RSBN1L: variants seen among roughly 807,000 people sequenced by gnomAD.
The protein encoded by RSBN1L is round spermatid basic protein 1 like, also known as lysine-specific demethylase RSBN1L.
RSBN1L carries 30 observed loss-of-function variants against 67.7 expected under a neutral mutation model. The observed-to-expected ratio is 0.44, with a 90% CI of 0.33 to 0.60. The LOEUF (loss-of-function observed/expected upper bound fraction) is 0.60, where lower values mean the gene tolerates loss of function less well. RSBN1L is among the 20% of genes least tolerant of loss of function. The pLI is 0.02. For synonymous variants in RSBN1L, 433 were observed against 387.0 expected, an observed-to-expected ratio of 1.12 and a Z score of -1.39; for missense variants, 992 against 1,031.7, an observed-to-expected ratio of 0.96 and a Z score of 0.53.
At chr7:77,745,701 A>T (rs1202380938) in intron 2 of RSBN1L, among the ~76,000 whole-genome samples, 1 of 152,196 alleles carries the variant, frequency 6.6e-6, no homozygotes, top group Non-Finnish European at 1.5e-5. Context: ...TGGTTTCGGG[A>T]TGATTCAAGG....
intron 6 of RSBN1L, among the ~76,000 whole-genome samples, chr7:77,775,539 T>C (rs182441606): frequency 1.6e-3 from 240 of 152,334 alleles, no homozygotes; most frequent in Middle Eastern, 0.01. Context: ...AGGATATCTC[T>C]AATTCCTGTT....
intron 2 of RSBN1L, among the ~76,000 whole-genome samples, chr7:77,739,952 A>T (rs1030701247): frequency 6.6e-6 from 1 of 150,786 alleles, no homozygotes; most frequent in South Asian, 2.1e-4. Context: ...GGGTTTCACC[A>T]TGTTGCCCAG....
intron 3 of RSBN1L, among the ~76,000 whole-genome samples, chr7:77,759,217 TA>T (rs1791664205): frequency 6.6e-6 from 1 of 152,190 alleles, no homozygotes; most frequent in African/African-American, 2.4e-5. Context: ...CTTGCCTTTG[TA>T]CTAAATTTTC....
Position 77,760,234 on chromosome 7 carries a change from T to G in RSBN1L, c.1345-5261T>G, listed in dbSNP as rs59337956. Among the ~76,000 whole-genome samples the G allele has an allele frequency of 5.9e-3, 893 of 152,282 alleles. 10 individuals are homozygous for G. The highest frequency in any genetic ancestry group is 0.021 in the African/African-American group (855 of 41,546). ...AGATTACATTATATAAGTCGAATAT[T>G]AGTTTAAACAATTATTTCATTTTAT... On this transcript the variant is annotated intron_variant, in intron 3 of 7. Transcript: ENST00000334955.
intron 6 of RSBN1L, among the ~76,000 whole-genome samples, chr7:77,775,945 C>T (rs1024497462): frequency 6.6e-6 from 1 of 151,602 alleles, no homozygotes; most frequent in Non-Finnish European, 1.5e-5. Context: ...AATCCCAGCT[C>T]CTCGCTAGGC....
chr7:77,768,338 A>G (rs1791801531), intron 4 of RSBN1L: 1 of 185,172 alleles, frequency 5.4e-6, no homozygotes, highest in Admixed American at 6.0e-5. Context: ...TTATGAGAGC[A>G]CTTGCTTATT....
At chr7:77,716,752 C>G (rs1791054665) in intron 1 of RSBN1L, among the ~76,000 whole-genome samples, 1 of 150,496 alleles carries the variant, frequency 6.6e-6, no homozygotes, top group South Asian at 2.1e-4. Flanking sequence ...CTGCCTCAAC[C>G]TCCCGAGTAG....
intron 3 of RSBN1L, among the ~76,000 whole-genome samples, chr7:77,751,553 C>T (rs1791556743): frequency 6.6e-6 from 1 of 152,076 alleles, no homozygotes; most frequent in African/African-American, 2.4e-5. Flanking sequence ...CATTACTAGC[C>T]CTGTCATTTT....
chr7:77,750,296 GTTTTTTTTTTTT>G (rs36054297), intron 3 of RSBN1L, among the ~76,000 whole-genome samples: 33 of 57,462 alleles, frequency 5.7e-4, no homozygotes, highest in African/African-American at 1.7e-3. Context: ...AAGATTCTGT[GTTTTTTTTTTTT>G]TTTTTTTTTT....
chr7:77,734,740 C>A (rs1388010541), intron 1 of RSBN1L, among the ~76,000 whole-genome samples: 1 of 152,118 alleles, frequency 6.6e-6, no homozygotes, highest in Non-Finnish European at 1.5e-5. Context: ...CCGCCCACTT[C>A]GGCTTCCCAA....
chr7:77,736,303 C>T, intron 1 of RSBN1L, 107 bp from the exon 2 acceptor site: 1 of 422,238 alleles, frequency 2.4e-6, no homozygotes, highest in South Asian at 7.2e-5. Context: ...GTTCCTCATT[C>T]TGATTTTCTT....
At chr7:77,730,669 A>G (rs1294025089) in intron 1 of RSBN1L, among the ~76,000 whole-genome samples, 1 of 152,216 alleles carries the variant, frequency 6.6e-6, no homozygotes, top group Non-Finnish European at 1.5e-5. Flanking sequence ...GCCTTTTCAC[A>G]CTGCTTTTAC....
At position 77,749,858 on chromosome 7, in the gene RSBN1L, T is replaced by G. The variant is rs757144958; in HGVS notation, c.1138T>G (p.Phe380Val). The change falls in exon 3 of 8, where the codon TTT becomes GTT. Residue 380 changes from phenylalanine to valine, a missense_variant. By Grantham distance (50) the Phe-to-Val change is conservative. This residue lies in a region of RSBN1L where 575 missense variants were observed against 483.2 expected (regional missense o/e 1.19). Coordinates refer to ENST00000334955, the MANE Select transcript of RSBN1L (RefSeq NM_198467.3). ...SHLSPMEMER[F>V]AEEFVGLVFS... is the part of the protein sequence containing the mutation. ...CCTGTCTCCTATGGAGATGGAGAGG[T>G]TTGCAGAAGAGTTTGTGGGTCTAGT... 1 of 1,614,202 alleles carries G rather than the reference T, an allele frequency of 6.2e-7. No individual in the cohort carries two copies. Among genetic ancestry groups the G allele is most frequent in the South Asian group, 1.1e-5 (1 of 91,078 alleles).
At chr7:77,725,246 T>A (rs1333688477) in intron 1 of RSBN1L, among the ~76,000 whole-genome samples, 5 of 120,376 alleles carry the variant, frequency 4.2e-5, no homozygotes, top group African/African-American at 1.7e-4. Context: ...GCCCCCCACT[T>A]TTTTTTTTTT....
At chr7:77,750,281 TAA>T (rs1025327273) in intron 3 of RSBN1L, among the ~76,000 whole-genome samples, 5 of 113,112 alleles carry the variant, frequency 4.4e-5, no homozygotes, top group African/African-American at 2.2e-4. Flanking sequence ...ATTAATGAAA[TAA>T]TTAAGATTCT....
intron 1 of RSBN1L, among the ~76,000 whole-genome samples, chr7:77,734,621 T>C (rs1791309581): frequency 6.6e-6 from 1 of 152,078 alleles, no homozygotes; most frequent in Non-Finnish European, 1.5e-5. Context: ...CCCAAGTAGC[T>C]GGGATTACAG....
intron 1 of RSBN1L, among the ~76,000 whole-genome samples, chr7:77,708,831 T>C (rs1057118194): frequency 6.6e-6 from 1 of 152,230 alleles, no homozygotes; most frequent in African/African-American, 2.4e-5. Flanking sequence ...TGAAGACTAC[T>C]GTATTAGTTA....
chr7:77,696,904 C>G lies in RSBN1L; in HGVS notation c.435C>G (p.Pro145=). 6.3e-7 allele frequency: 1 copy of G among 1,589,348 alleles called. No individual in the cohort carries two copies. Among genetic ancestry groups the G allele is most frequent in the Non-Finnish European group, 8.5e-7 (1 of 1,170,620 alleles). The change falls in exon 1 of 8, where the codon CCC becomes CCG. Residue 145 remains proline, a synonymous_variant. Coordinates refer to ENST00000334955, the MANE Select transcript of RSBN1L (RefSeq NM_198467.3). ...CTCAGCCTCACCATCTCCTCCTGCC[C>G]GCCGCCGCCGCCGCTGCCTCGGCTA... The part of the protein sequence containing the change: ...LHAQPHHLLL[P]AAAAAASANA...
rs749379888 is a variant in RSBN1L, at chr7:77,749,488, G to A, written c.768G>A (p.Lys256=). The change falls in exon 3 of 8, where the codon AAG becomes AAA. Residue 256 remains lysine, a synonymous_variant. Coordinates refer to ENST00000334955, the MANE Select transcript of RSBN1L (RefSeq NM_198467.3). ...DLQIKKVKKK[K]KKKHKENEKR... ...AAATTAAAAAGGTAAAGAAGAAAAA[G>A]AAAAAGAAACACAAAGAGAATGAAA... The A allele has an allele frequency of 2.5e-6, 4 of 1,592,924 alleles. No individual in the cohort carries two copies. In the East Asian group the frequency reaches 8.9e-5, roughly 36 times the overall value.
Sources: gnomAD v4.1 joint callset for allele counts (sites outside exome capture counted in the v4.1 genomes callset) on GRCh38, gnomAD v4.1.1 for gene constraint, gnomAD v4.1.1 regional missense constraint, MANE v1.5 for transcripts, NCBI Gene and HGNC (gene_info 2026-07-23, HGNC 2026-07-21) for gene names.